Variants in STOX2 observed in about 807,000 individuals in gnomAD.
STOX2 encodes the protein storkhead-box protein 2.
A neutral mutation model predicts 60.9 loss-of-function variants in STOX2; 28 were observed. That is an observed-to-expected ratio of 0.46 (90% CI 0.34 to 0.63). The LOEUF (loss-of-function observed/expected upper bound fraction) is 0.63, where lower values mean the gene tolerates loss of function less well. Ranked by LOEUF, STOX2 falls within the 30% of genes least tolerant of loss-of-function variation. The pLI is 0.01. For synonymous variants in STOX2, 472 were observed against 463.9 expected (o/e 1.02, Z -0.22); for missense variants, 1,024 against 1,187.7 (o/e 0.86, Z 2.03).
rs189881614 is a variant in STOX2, at chr4:183,916,192, G to A, written c.166+9236G>A. 1.5e-3 allele frequency among the ~76,000 whole-genome samples: 233 copies of A among 152,342 alleles called. 1 individual carries two copies. The highest frequency in any genetic ancestry group is 1.5e-3 in the Non-Finnish European group (101 of 68,042). On this transcript the variant is annotated intron_variant, in intron 1 of 3. Coordinates refer to ENST00000308497, the MANE Select transcript of STOX2 (RefSeq NM_020225.3). ...CGTTCCCGGGCCAGGGGTGGCAGCC[G>A]GCAGGTGGTGCCCCATGTGCCTTGC...
At chr4:183,840,324 A>G (rs1412549288) in intron 1 of STOX2, among the ~76,000 whole-genome samples, 1 of 152,196 alleles carries the variant, frequency 6.6e-6, no homozygotes, top group Non-Finnish European at 1.5e-5. Flanking sequence ...TCTGTTACAA[A>G]TGTCTTTTCT....
At chr4:183,997,918 A>G (rs1167081132) in intron 1 of STOX2, among the ~76,000 whole-genome samples, 1 of 152,232 alleles carries the variant, frequency 6.6e-6, no homozygotes, top group Non-Finnish European at 1.5e-5. Context: ...GTTGGCTGCA[A>G]TGAATGAAAA....
intron 1 of STOX2, among the ~76,000 whole-genome samples, chr4:183,931,807 G>A (rs1209987831): frequency 3.3e-5 from 5 of 152,210 alleles, no homozygotes; most frequent in Non-Finnish European, 5.9e-5. Flanking sequence ...AAATGGGAAC[G>A]TATGGTTACC....
chr4:183,990,736 C>T (rs1162476080), intron 1 of STOX2, among the ~76,000 whole-genome samples: 1 of 151,646 alleles, frequency 6.6e-6, no homozygotes, highest in Non-Finnish European at 1.5e-5. Flanking sequence ...ATGGTTCTTA[C>T]CCTGAGACAG....
upstream of STOX2, among the ~76,000 whole-genome samples, chr4:183,901,131 C>G (rs939033723): frequency 2.0e-5 from 3 of 152,142 alleles, no homozygotes; most frequent in East Asian, 5.8e-4. Context: ...TTTGACTATT[C>G]TAAGTACTTT....
chr4:184,001,283 G>C lies in STOX2; in HGVS notation c.167-42G>C. The C allele has an allele frequency of 1.2e-6, 2 of 1,605,338 alleles. No homozygotes were observed. Among genetic ancestry groups the C allele is most frequent in the African/African-American group, 2.7e-5 (2 of 74,914 alleles). ...AGGCGTGTGTCTGACAGATGACCGG[G>C]TCTTTTAATGAACCACTCACTTGAA... On this transcript the variant is annotated intron_variant, in intron 1 of 3. Coordinates refer to ENST00000308497, the MANE Select transcript of STOX2 (RefSeq NM_020225.3). This position sits in a 1 kb window ranked among gnomAD's most constrained non-coding sequence, Gnocchi z 4.2.
chr4:183,957,986 G>T (rs11946422), intron 1 of STOX2, among the ~76,000 whole-genome samples: 37,977 of 144,960 alleles, frequency 0.26, 3,741 homozygotes, highest in Middle Eastern at 0.31. Context: ...GTTTCTTTCA[G>T]GGGGGATGGT....
intron 1 of STOX2, among the ~76,000 whole-genome samples, chr4:183,888,424 C>T (rs1051374175): frequency 2.0e-5 from 3 of 152,128 alleles, no homozygotes; most frequent in South Asian, 2.1e-4. Flanking sequence ...CAGTGGCTAG[C>T]GCACTTTACC....
rs1213915668 is a variant in STOX2, at chr4:184,001,192, T to C, written c.167-133T>C. 23 of 776,826 alleles carry C rather than the reference T, an allele frequency of 3.0e-5. No homozygotes were observed. The highest frequency in any genetic ancestry group is 2.9e-4 in the East Asian group (11 of 37,426). The allele number at this position is 776,826 out of a possible 1,614,324, so 48.1% of individuals were successfully genotyped here. A position where few individuals can be genotyped will look rare whatever the true frequency, so the allele number is the denominator to read the frequency against. On this transcript the variant is annotated intron_variant, in intron 1 of 3. Coordinates refer to ENST00000308497, the MANE Select transcript of STOX2 (RefSeq NM_020225.3). The surrounding 1 kb of genome is among the most constrained non-coding windows in gnomAD (Gnocchi z 4.2). ...TGTGGCTTCTGTGTTCAGAGTGGAA[T>C]TGGCAAGCAGCTGCTATGTTCGGAG...
chr4:183,979,674 A>G (rs1342540815), intron 1 of STOX2, among the ~76,000 whole-genome samples: 1 of 152,190 alleles, frequency 6.6e-6, no homozygotes, highest in African/African-American at 2.4e-5. Context: ...AAAATTAAAT[A>G]TTAGTTCCTC....
rs531805724 is a variant in STOX2 at position 183,892,420 on chromosome 4, G to A, written c.364+94365G>A. Among the ~76,000 whole-genome samples, 724 of 150,948 alleles carry A rather than the reference G, an allele frequency of 4.8e-3. 7 individuals carry two copies. The highest frequency in any genetic ancestry group is 0.015 in the African/African-American group (602 of 40,296). On this transcript the variant is annotated intron_variant, in intron 1 of 2. Transcript: ENST00000513034. ...CAGCCTCCCGAGTAGCTGGGACTAT[G>A]GGCGCCCGCCACCACGCCCGGCTAA...
chr4:183,867,867 C>G (rs1231049943), intron 1 of STOX2, among the ~76,000 whole-genome samples: 1 of 152,176 alleles, frequency 6.6e-6, no homozygotes, highest in Non-Finnish European at 1.5e-5. Flanking sequence ...CTACAAGTGC[C>G]AAGAGCTAGA....
chr4:183,990,146 G>T (rs183422861), intron 1 of STOX2, among the ~76,000 whole-genome samples: 24 of 152,290 alleles, frequency 1.6e-4, no homozygotes. Context: ...TTTAAAGGAT[G>T]TTTGGTCAGA....
chr4:183,833,972 A>G (rs550965214), intron 1 of STOX2, among the ~76,000 whole-genome samples: 2 of 124,624 alleles, frequency 1.6e-5, no homozygotes, highest in African/African-American at 6.6e-5. Context: ...ACAGAGTGAG[A>G]CTCCGTCTCA....
At chr4:183,820,805 AG>A (rs1051313836) in intron 1 of STOX2, among the ~76,000 whole-genome samples, 3 of 152,192 alleles carry the variant, frequency 2.0e-5, no homozygotes, top group African/African-American at 7.2e-5. Flanking sequence ...GATTAAAAAA[AG>A]AATGAAGCTA....
intron 1 of STOX2, among the ~76,000 whole-genome samples, chr4:183,912,766 T>C (rs1231762058): frequency 6.6e-6 from 1 of 152,202 alleles, no homozygotes; most frequent in Non-Finnish European, 1.5e-5. Context: ...CCACAGAGCT[T>C]GGCATGTATC....
chr4:183,881,644 A>G (rs1740962720), intron 1 of STOX2, among the ~76,000 whole-genome samples: 1 of 152,248 alleles, frequency 6.6e-6, no homozygotes, highest in Non-Finnish European at 1.5e-5. Flanking sequence ...GGGCATAGAA[A>G]AACCTGATAA....
chr4:183,854,793 G>A (rs1388573258), intron 1 of STOX2, among the ~76,000 whole-genome samples: 1 of 152,190 alleles, frequency 6.6e-6, no homozygotes, highest in Non-Finnish European at 1.5e-5. Flanking sequence ...GGAGAAGTCA[G>A]CCAATTATCG....
At chr4:183,929,181 T>C (rs1291817961) in intron 1 of STOX2, among the ~76,000 whole-genome samples, 1 of 152,236 alleles carries the variant, frequency 6.6e-6, no homozygotes, top group Non-Finnish European at 1.5e-5. Flanking sequence ...GCTGAAGTCT[T>C]GGGGCCTCCC....
Sources: gnomAD v4.1 joint callset for allele counts (sites outside exome capture counted in the v4.1 genomes callset) on GRCh38, gnomAD v4.1.1 for gene constraint, Gnocchi (gnomAD v3.1) non-coding constraint, MANE v1.5 for transcripts, NCBI Gene and HGNC (gene_info 2026-07-23, HGNC 2026-07-21) for gene names.